OXR1: variants seen among roughly 807,000 people sequenced by gnomAD.
The protein encoded by OXR1 is oxidation resistance protein 1.
In OXR1, 41 loss-of-function variants were observed where a neutral mutation model predicts 104.6. The ratio of observed to expected loss-of-function variants is 0.39; its 90% CI spans 0.31 to 0.51. OXR1 has a LOEUF of 0.51. Ranked by LOEUF, OXR1 falls within the 20% of genes least tolerant of loss-of-function variation. The probability of loss-of-function intolerance (pLI) is 0.77; values close to 1 mark genes in which losing one functional copy is unlikely to be tolerated. For missense variants in OXR1, 955 were observed against 1,031.9 expected, an observed-to-expected ratio of 0.93 and a Z score of 1.02; for synonymous variants, 348 against 348.4, an observed-to-expected ratio of 1.00 and a Z score of 0.01.
intron 3 of OXR1, among the ~76,000 whole-genome samples, chr8:106,659,410 C>G (rs1008986330): frequency 1.3e-5 from 2 of 152,084 alleles, no homozygotes; most frequent in African/African-American, 4.8e-5. Flanking sequence ...TATTTTTTAT[C>G]TTTAGAAATG....
At chr8:106,521,659 C>T (rs549817811) in intron 3 of OXR1, among the ~76,000 whole-genome samples, 1 of 152,100 alleles carries the variant, frequency 6.6e-6, no homozygotes, top group African/African-American at 2.4e-5. Flanking sequence ...ACTACAGGCA[C>T]ATGCCACTAT....
intron 3 of OXR1, among the ~76,000 whole-genome samples, chr8:106,542,339 G>T (rs933465328): frequency 6.6e-6 from 1 of 152,096 alleles, no homozygotes; most frequent in Non-Finnish European, 1.5e-5. Context: ...AACTGGTGTT[G>T]CACTTGACTG....
chr8:106,651,797 T>G (rs1824597301), intron 3 of OXR1, among the ~76,000 whole-genome samples: 1 of 152,130 alleles, frequency 6.6e-6, no homozygotes, highest in African/African-American at 2.4e-5. Context: ...TATCTGTAAA[T>G]AAAACAGGGG....
intron 11 of OXR1, among the ~76,000 whole-genome samples, chr8:106,719,412 C>G (rs1232410544): frequency 6.6e-6 from 1 of 152,186 alleles, no homozygotes; most frequent in Non-Finnish European, 1.5e-5. Context: ...CTTATTTCTT[C>G]TGTGTCCCTC....
At chr8:106,672,692 A>C (rs967645160) in intron 3 of OXR1, among the ~76,000 whole-genome samples, 3 of 152,152 alleles carry the variant, frequency 2.0e-5, no homozygotes, top group Non-Finnish European at 2.9e-5. Flanking sequence ...GATAATCCCC[A>C]CATATCAAGG....
intron 15 of OXR1, among the ~76,000 whole-genome samples, chr8:106,742,753 A>T: frequency 6.6e-6 from 1 of 152,172 alleles, no homozygotes; most frequent in Non-Finnish European, 1.5e-5. Context: ...ATGTGCAGAA[A>T]ATTGAAACTG....
intron 1 of OXR1, among the ~76,000 whole-genome samples, chr8:106,316,839 G>T (rs1055705702): frequency 6.6e-6 from 1 of 151,404 alleles, no homozygotes; most frequent in Non-Finnish European, 1.5e-5. Flanking sequence ...CTAAGTTTAA[G>T]GTCTGATTTT....
At chr8:106,644,253 C>T (rs181840188) in intron 3 of OXR1, among the ~76,000 whole-genome samples, 10 of 152,210 alleles carry the variant, frequency 6.6e-5, no homozygotes, top group East Asian at 3.9e-4. Context: ...TGAATAGTTT[C>T]GCAATCTCAG....
chr8:106,397,316 G>A (rs967274492), intron 2 of OXR1, among the ~76,000 whole-genome samples: 1 of 152,094 alleles, frequency 6.6e-6, no homozygotes, highest in Non-Finnish European at 1.5e-5. Flanking sequence ...GTGGGGTAAG[G>A]CTGAGGAGAG....
intron 1 of OXR1, among the ~76,000 whole-genome samples, chr8:106,294,168 C>T (rs552342700): frequency 2.0e-5 from 3 of 151,224 alleles, no homozygotes; most frequent in South Asian, 4.2e-4. Context: ...TTTGGGAGGC[C>T]GAGGCGGGCA....
chr8:106,382,581 A>G (rs1342379373), intron 2 of OXR1, among the ~76,000 whole-genome samples: 1 of 150,022 alleles, frequency 6.7e-6, no homozygotes, highest in Non-Finnish European at 1.5e-5. Context: ...GACCCTGATT[A>G]TGATTACTAC....
intron 3 of OXR1, among the ~76,000 whole-genome samples, chr8:106,592,377 A>G (rs1819167457): frequency 6.6e-6 from 1 of 152,218 alleles, no homozygotes. Context: ...AATTCAAGGC[A>G]CTGTTCCCAG....
At chr8:106,583,081 T>C (rs1414970548) in intron 3 of OXR1, among the ~76,000 whole-genome samples, 3 of 152,206 alleles carry the variant, frequency 2.0e-5, no homozygotes, top group Admixed American at 6.5e-5. Context: ...AGACTAAAAT[T>C]ATTTGTGTCT....
At chr8:106,637,761 C>CTTTTT (rs71307078) in intron 3 of OXR1, among the ~76,000 whole-genome samples, 2 of 128,408 alleles carry the variant, frequency 1.6e-5, no homozygotes, top group South Asian at 2.5e-4. Context: ...ATAGTTTCGA[C>CTTTTT]TTTTTTTTTT....
At chr8:106,594,069 A>C (rs1819325938) in intron 3 of OXR1, among the ~76,000 whole-genome samples, 1 of 152,228 alleles carries the variant, frequency 6.6e-6, no homozygotes, top group South Asian at 2.1e-4. Flanking sequence ...ACAGTCTATG[A>C]TACCATGGTT....
intron 3 of OXR1, among the ~76,000 whole-genome samples, chr8:106,561,596 A>C (rs1816686538): frequency 6.6e-6 from 1 of 152,184 alleles, no homozygotes; most frequent in Non-Finnish European, 1.5e-5. Context: ...AGAGAACAGC[A>C]GATCCCCCAG....
chr8:106,274,843 A>C (rs1306757004), intron 1 of OXR1, among the ~76,000 whole-genome samples: 1 of 152,240 alleles, frequency 6.6e-6, no homozygotes, highest in African/African-American at 2.4e-5. Context: ...ACCTGAGGAA[A>C]AGATGACTTC....
At chr8:106,700,016 G>T (rs1314873167) in intron 7 of OXR1, among the ~76,000 whole-genome samples, 1 of 151,946 alleles carries the variant, frequency 6.6e-6, no homozygotes, top group Non-Finnish European at 1.5e-5. Flanking sequence ...AATGTAAGTG[G>T]TAATTTTTCT....
chr8:106,697,903 T>C (rs966653421), intron 7 of OXR1: 2 of 1,612,242 alleles, frequency 1.2e-6, no homozygotes, highest in African/African-American at 1.3e-5. Flanking sequence ...CTTTCGGCAC[T>C]GGGTGGTGAT....
Sources: allele counts gnomAD v4.1 joint callset (sites outside exome capture counted in the v4.1 genomes callset), GRCh38; gene constraint gnomAD v4.1.1; transcripts MANE v1.5; gene names NCBI Gene and HGNC (gene_info 2026-07-23, HGNC 2026-07-21).